MAP4K4: variants seen among roughly 807,000 people sequenced by gnomAD.
The protein encoded by MAP4K4 is mitogen-activated protein kinase kinase kinase kinase 4.
In MAP4K4, 38 loss-of-function variants were observed where a neutral mutation model predicts 189.6. The ratio of observed to expected loss-of-function variants is 0.20; its 90% CI spans 0.15 to 0.26. The LOEUF is 0.26. Among genes scored for constraint, MAP4K4 ranks in the 10% least tolerant of loss-of-function variants. MAP4K4 has a pLI of 1.00. For missense variants in MAP4K4, 1,054 were observed against 1,726.9 expected, an observed-to-expected ratio of 0.61 and a Z score of 6.91; for synonymous variants, 610 against 624.3, an observed-to-expected ratio of 0.98 and a Z score of 0.34.
intron 2 of MAP4K4, among the ~76,000 whole-genome samples, chr2:101,742,485 G>C (rs2063294138): frequency 6.6e-6 from 1 of 151,862 alleles, no homozygotes; most frequent in Non-Finnish European, 1.5e-5. Context: ...GCCTCTTTTT[G>C]CCTGCCTGAC....
intron 2 of MAP4K4, 39 bp from the exon 3 acceptor site, chr2:101,790,681 A>T (rs566251147): frequency 2.0e-6 from 3 of 1,505,776 alleles, no homozygotes; most frequent in Non-Finnish European, 2.7e-6. Flanking sequence ...GTGCAAAAAA[A>T]TTGGTGCTGA....
intron 2 of MAP4K4, among the ~76,000 whole-genome samples, chr2:101,720,356 A>T (rs1395115372): frequency 1.3e-5 from 2 of 151,834 alleles, no homozygotes; most frequent in East Asian, 3.9e-4. Context: ...TTGTATTTTT[A>T]GTAGAGACAG....
At chr2:101,859,604 G>A in intron 14 of MAP4K4, 39 bp from the exon 15 acceptor site, 2 of 1,441,380 alleles carry the variant, frequency 1.4e-6, no homozygotes, top group Non-Finnish European at 1.9e-6. Context: ...GAGCTCTCCA[G>A]TGTCCCATAG....
At chr2:101,858,092 T>G (rs1438137759) in intron 13 of MAP4K4, among the ~76,000 whole-genome samples, 1 of 152,192 alleles carries the variant, frequency 6.6e-6, no homozygotes, top group Non-Finnish European at 1.5e-5. Context: ...CAAAAATTCC[T>G]GAGGGTTGGG....
At position 101,729,436 on chromosome 2, in the gene MAP4K4, A is replaced by G. The variant is rs1177186679; in HGVS notation, c.123+30898A>G. Among the ~76,000 whole-genome samples, 11 of 152,344 alleles carry G rather than the reference A, an allele frequency of 7.2e-5. No individual in the cohort carries two copies. In the East Asian group the frequency reaches 1.9e-3, roughly 27 times the overall value. On this transcript the variant is annotated intron_variant, in intron 2 of 32. Coordinates refer to ENST00000324219, the Ensembl canonical transcript of MAP4K4. Reference sequence around the variant, plus strand: ...TGAAACCTTTATTTTGGTTAAAAATACATGTTATAGGTGTCTTGGGTGGTG... The same window carrying G: ...TGAAACCTTTATTTTGGTTAAAAATGCATGTTATAGGTGTCTTGGGTGGTG...
chr2:101,777,652 G>A (rs2084974701), intron 2 of MAP4K4, among the ~76,000 whole-genome samples: 1 of 152,220 alleles, frequency 6.6e-6, no homozygotes, highest in Non-Finnish European at 1.5e-5. Context: ...GGTTTTCCCT[G>A]TAGCTTATTT....
chr2:101,838,434 A>G (rs10205500), intron 9 of MAP4K4, among the ~76,000 whole-genome samples: 14,864 of 152,178 alleles, frequency 0.098, 2,065 homozygotes, highest in African/African-American at 0.31. Flanking sequence ...ACCCTAACCT[A>G]TTTTTCCATT....
intron 3 of MAP4K4, among the ~76,000 whole-genome samples, chr2:101,803,626 A>G (rs2094605856): frequency 6.6e-6 from 1 of 152,196 alleles, no homozygotes; most frequent in Non-Finnish European, 1.5e-5. Flanking sequence ...GCCTAATTCT[A>G]GCCTAACCTG....
chr2:101,722,891 G>C (rs570958275), intron 2 of MAP4K4, among the ~76,000 whole-genome samples: 32 of 152,314 alleles, frequency 2.1e-4, no homozygotes, highest in African/African-American at 7.5e-4. Context: ...TACAGCATCT[G>C]TATTAGTCCA....
intron 2 of MAP4K4, among the ~76,000 whole-genome samples, chr2:101,780,108 G>T (rs2086565973): frequency 6.6e-6 from 1 of 152,168 alleles, no homozygotes; most frequent in African/African-American, 2.4e-5. Context: ...ATATACGTAG[G>T]TTCACGGGCA....
chr2:101,845,953 T>G (rs2097096383), intron 12 of MAP4K4, among the ~76,000 whole-genome samples: 1 of 152,218 alleles, frequency 6.6e-6, no homozygotes, highest in East Asian at 1.9e-4. Context: ...ATTATCCTAC[T>G]AATTTAACAG....
chr2:101,734,223 C>T (rs2059547080), intron 2 of MAP4K4, among the ~76,000 whole-genome samples: 2 of 152,096 alleles, frequency 1.3e-5, no homozygotes, highest in African/African-American at 4.8e-5. Context: ...AAAATCTGTA[C>T]AGAGTTAAAA....
intron 2 of MAP4K4, among the ~76,000 whole-genome samples, chr2:101,784,757 T>A (rs1049454801): frequency 2.0e-5 from 3 of 152,220 alleles, no homozygotes; most frequent in Non-Finnish European, 2.9e-5. Flanking sequence ...ATTAAAATGT[T>A]ATAGAATAGT....
intron 3 of MAP4K4, among the ~76,000 whole-genome samples, chr2:101,806,374 CTTT>C (rs35242042): frequency 3.1e-5 from 4 of 129,534 alleles, no homozygotes; most frequent in Admixed American, 7.7e-5. Flanking sequence ...AGCTGTTTCA[CTTT>C]TTTTTTTTTT....
intron 2 of MAP4K4, among the ~76,000 whole-genome samples, chr2:101,716,225 C>T (rs946970004): frequency 2.6e-4 from 40 of 152,274 alleles, no homozygotes; most frequent in African/African-American, 9.4e-4. Flanking sequence ...GGGCGGATCA[C>T]GAGGTCAGGA....
At chr2:101,867,967 G>C (rs957437004) in intron 20 of MAP4K4, 62 bp from the exon 21 acceptor site, 1 of 1,581,726 alleles carries the variant, frequency 6.3e-7, no homozygotes, top group Non-Finnish European at 8.7e-7. Context: ...GCGCTTCCTT[G>C]TACTGTGCAT....
chr2:101,839,079 A>G (rs997641502), intron 9 of MAP4K4, among the ~76,000 whole-genome samples: 2 of 152,216 alleles, frequency 1.3e-5, no homozygotes, highest in Non-Finnish European at 2.9e-5. Flanking sequence ...TGTTGCCAGG[A>G]AGATTTACCA....
intron 12 of MAP4K4, among the ~76,000 whole-genome samples, chr2:101,845,501 C>T (rs2149611416): frequency 6.6e-6 from 1 of 152,284 alleles, no homozygotes; most frequent in Non-Finnish European, 1.5e-5. Context: ...ATGGTACAGC[C>T]TACTGCGCAC....
chr2:101,734,649 C>G (rs1275629515), intron 2 of MAP4K4, among the ~76,000 whole-genome samples: 1 of 152,184 alleles, frequency 6.6e-6, no homozygotes, highest in Non-Finnish European at 1.5e-5. Context: ...TCTCCACACT[C>G]TAGCCTGTGC....
Sources: allele counts gnomAD v4.1 joint callset (sites outside exome capture counted in the v4.1 genomes callset), GRCh38; gene constraint gnomAD v4.1.1; transcripts MANE v1.5; gene names NCBI Gene and HGNC (gene_info 2026-07-23, HGNC 2026-07-21).